The following E2F3 variants were observed in gnomAD, a reference collection of about 807,000 sequenced individuals.
The protein encoded by E2F3 is transcription factor E2F3.
E2F3 carries 11 observed loss-of-function variants against 44.4 expected under a neutral mutation model. The ratio of observed to expected loss-of-function variants is 0.25; its 90% CI spans 0.16 to 0.41. The LOEUF is 0.41. Among genes scored for constraint, E2F3 ranks in the 10% least tolerant of loss-of-function variants. E2F3 has a pLI of 1.00. For missense variants in E2F3, 487 were observed against 583.6 expected, an observed-to-expected ratio of 0.83 and a Z score of 1.70; for synonymous variants, 249 against 253.0, an observed-to-expected ratio of 0.98 and a Z score of 0.15.
intron 6 of E2F3, among the ~76,000 whole-genome samples, chr6:20,489,768 A>T (rs1762502951): frequency 6.6e-6 from 1 of 152,136 alleles, no homozygotes; most frequent in African/African-American, 2.4e-5. Context: ...TGAGCCCAGG[A>T]GTTCGAGACC....
chr6:20,469,318 A>G (rs1184471117), intron 1 of E2F3, among the ~76,000 whole-genome samples: 1 of 152,230 alleles, frequency 6.6e-6, no homozygotes, highest in Non-Finnish European at 1.5e-5. Flanking sequence ...ATGTCAGTAC[A>G]TTAGAACTAA....
At chr6:20,450,391 TC>T (rs1460845113) in intron 1 of E2F3, among the ~76,000 whole-genome samples, 1 of 152,242 alleles carries the variant, frequency 6.6e-6, no homozygotes, top group African/African-American at 2.4e-5. Context: ...GAGCTTTTTT[TC>T]ATATGCTTAT....
In E2F3 at chr6:20,490,076, C is replaced by G. The variant is rs1437271678; in HGVS notation, c.1136-92C>G. The G allele has an allele frequency of 2.9e-6, 4 of 1,378,464 alleles. No homozygotes were observed. In the Admixed American group the frequency reaches 9.5e-5, roughly 33 times the overall value. 85.4% of individuals were successfully genotyped at this position (1,378,464 alleles called of 1,614,324 possible). On this transcript the variant is annotated intron_variant, in intron 6 of 6. Coordinates refer to ENST00000346618, the MANE Select transcript of E2F3 (RefSeq NM_001949.5). This position sits in a 1 kb window ranked among gnomAD's most constrained non-coding sequence, Gnocchi z 4.3. ...TGTCATTATTTGCGGAAGGTACATGCTTTTTTCTAACAGCAACATATACAT... is the reference window on the plus strand; with the variant it reads ...TGTCATTATTTGCGGAAGGTACATGGTTTTTTCTAACAGCAACATATACAT...
In E2F3 at chr6:20,488,009, G is replaced by A. The variant is rs4134972; in HGVS notation, c.1000-104G>A. Reference sequence around the variant, plus strand: ...TTGGACTAGTAGGGAAAAAGCAAGTGAAAAACGAACATTGTTCTTACTTTC... The same window carrying A: ...TTGGACTAGTAGGGAAAAAGCAAGTAAAAAACGAACATTGTTCTTACTTTC... On this transcript the variant is annotated intron_variant, in intron 5 of 6. Transcript: ENST00000346618. The A allele has an allele frequency of 1.6e-3, 2,451 of 1,531,680 alleles. 22 individuals are homozygous for A. In the African/African-American group the frequency reaches 0.025, roughly 16 times the overall value. 94.9% of individuals were successfully genotyped at this position (1,531,680 alleles called of 1,614,324 possible).
In E2F3 at chr6:20,402,054, T is replaced by C. The variant is rs1296517510; in HGVS notation, c.-179T>C. On this transcript the variant is annotated 5_prime_UTR_variant, in exon 1 of 7. Transcript: ENST00000346618. This position sits in a 1 kb window ranked among gnomAD's most constrained non-coding sequence, Gnocchi z 5.6. Reference sequence around the variant, plus strand: ...CCTCTCTCCAGAGCCCCGATTATTTTTGGCCCCCGGGGCCTGTGCGGTGCG... The same window carrying C: ...CCTCTCTCCAGAGCCCCGATTATTTCTGGCCCCCGGGGCCTGTGCGGTGCG... 9.1e-7 allele frequency: 1 copy of C among 1,097,250 alleles called. No homozygotes were observed. The highest frequency in any genetic ancestry group is 1.2e-6 in the Non-Finnish European group (1 of 822,084). 68.0% of individuals were successfully genotyped at this position (1,097,250 alleles called of 1,614,324 possible).
chr6:20,471,715 C>A (rs1334792751), intron 1 of E2F3, among the ~76,000 whole-genome samples: 1 of 152,102 alleles, frequency 6.6e-6, no homozygotes, highest in Non-Finnish European at 1.5e-5. Context: ...GTAGAAGTGC[C>A]AGTTAGTATG....
At chr6:20,425,061 C>A (rs1760168089) in intron 1 of E2F3, among the ~76,000 whole-genome samples, 2 of 152,172 alleles carry the variant, frequency 1.3e-5, no homozygotes, top group Admixed American at 1.3e-4. Flanking sequence ...GTGTTTATTG[C>A]ATGAAGGGAA....
Position 20,414,034 on chromosome 6 carries a change from G to C in E2F3, c.393+11409G>C, listed in dbSNP as rs1759761046. Among the ~76,000 whole-genome samples the C allele has an allele frequency of 2.6e-5, 4 of 152,202 alleles. No homozygotes were observed. The South Asian group carries it at 6.2e-4, about 24-fold the overall frequency. On this transcript the variant is annotated intron_variant, in intron 1 of 6. Coordinates refer to ENST00000346618, the MANE Select transcript of E2F3 (RefSeq NM_001949.5). ...TGGGGTGGTTGTGAGTGACTCCATGGGCCATCCCGTTTTCTGAGGGGCTAA... is the reference window on the plus strand; with the variant it reads ...TGGGGTGGTTGTGAGTGACTCCATGCGCCATCCCGTTTTCTGAGGGGCTAA...
chr6:20,462,668 G>A (rs532314561), intron 1 of E2F3, among the ~76,000 whole-genome samples: 1 of 151,752 alleles, frequency 6.6e-6, no homozygotes, highest in Non-Finnish European at 1.5e-5. Flanking sequence ...AGGTTGGTGA[G>A]GCTGGTCTTG....
chr6:20,478,029 C>T (rs1040826913), intron 1 of E2F3, among the ~76,000 whole-genome samples: 4 of 141,244 alleles, frequency 2.8e-5, no homozygotes, highest in African/African-American at 1.3e-4. Flanking sequence ...CCATCTCTAC[C>T]CAAAAAAAAA....
At chr6:20,418,276 A>C (rs1354976360) in intron 1 of E2F3, among the ~76,000 whole-genome samples, 1 of 152,222 alleles carries the variant, frequency 6.6e-6, no homozygotes, top group Non-Finnish European at 1.5e-5. Flanking sequence ...AATATTTGTC[A>C]GATGGAACTA....
At chr6:20,461,891 A>G (rs923193694) in intron 1 of E2F3, among the ~76,000 whole-genome samples, 1 of 152,342 alleles carries the variant, frequency 6.6e-6, no homozygotes. Context: ...GGCTTCAAGC[A>G]TAGTATCAGT....
chr6:20,448,732 T>C (rs1273197454), intron 1 of E2F3, among the ~76,000 whole-genome samples: 1 of 152,236 alleles, frequency 6.6e-6, no homozygotes, highest in Non-Finnish European at 1.5e-5. Flanking sequence ...TTTATATTCC[T>C]GAAGTCTATA....
chr6:20,448,938 C>T (rs925764553), intron 1 of E2F3, among the ~76,000 whole-genome samples: 1 of 152,166 alleles, frequency 6.6e-6, no homozygotes, highest in Non-Finnish European at 1.5e-5. Flanking sequence ...AACTAAAAGC[C>T]TGGCTTCTTT....
intron 1 of E2F3, among the ~76,000 whole-genome samples, chr6:20,476,242 A>G (rs1433648445): frequency 6.6e-6 from 1 of 152,016 alleles, no homozygotes. Context: ...GTGGTGGCGG[A>G]CGCCTGTAGT....
intron 3 of E2F3, among the ~76,000 whole-genome samples, chr6:20,482,411 G>A (rs1288744109): frequency 7.7e-6 from 1 of 129,852 alleles, no homozygotes; most frequent in African/African-American, 2.9e-5. Context: ...ATCCTTTTTC[G>A]CCTTTCTTCC....
chr6:20,468,470 C>A (rs1761786113), intron 1 of E2F3, among the ~76,000 whole-genome samples: 1 of 152,198 alleles, frequency 6.6e-6, no homozygotes, highest in South Asian at 2.1e-4. Context: ...ACGCAGCTTC[C>A]ATGACCTCCT....
intron 1 of E2F3, among the ~76,000 whole-genome samples, chr6:20,416,829 G>A (rs1759863166): frequency 6.6e-6 from 1 of 152,096 alleles, no homozygotes; most frequent in South Asian, 2.1e-4. Flanking sequence ...GTTTACAAAG[G>A]ATAGTCTTAG....
chr6:20,486,831 G>A, intron 5 of E2F3, 28 bp downstream of exon 5: 3 of 1,436,118 alleles, frequency 2.1e-6, no homozygotes, highest in Non-Finnish European at 2.9e-6. Flanking sequence ...TTGTTCATCT[G>A]CAAAGATCTT....
Sources: gnomAD v4.1 joint callset for allele counts (sites outside exome capture counted in the v4.1 genomes callset) on GRCh38, gnomAD v4.1.1 for gene constraint, Gnocchi (gnomAD v3.1) non-coding constraint, MANE v1.5 for transcripts, NCBI Gene and HGNC (gene_info 2026-07-23, HGNC 2026-07-21) for gene names.